Variants in RNF10 observed in about 807,000 individuals in gnomAD.
RNF10 encodes ring finger protein 10, also known as E3 ubiquitin-protein ligase RNF10.
A neutral mutation model predicts 91.4 loss-of-function variants in RNF10; 38 were observed. The ratio of observed to expected loss-of-function variants is 0.42; its 90% CI spans 0.32 to 0.54. The LOEUF (loss-of-function observed/expected upper bound fraction) is 0.54. Among genes scored for constraint, RNF10 ranks in the 20% least tolerant of loss-of-function variants. The pLI is 0.16. For missense variants in RNF10, 945 were observed against 1,012.0 expected, an observed-to-expected ratio of 0.93 and a Z score of 0.90; for synonymous variants, 364 against 366.3, an observed-to-expected ratio of 0.99 and a Z score of 0.07.
At position 120,553,594 on chromosome 12, in the gene RNF10, GGTGTT is replaced by G. The variant is rs1873509024; in HGVS notation, c.554+898_554+902del. ...TTGTTTTTGTATTTTTAGTAGAGAT[GGTGTT>G]GCACCGTATTAGCCAGGATGGTCTT... On this transcript the variant is annotated intron_variant, in intron 3 of 16. Coordinates refer to ENST00000325954, the MANE Select transcript of RNF10 (RefSeq NM_014868.5). 4.6e-5 allele frequency among the ~76,000 whole-genome samples: 7 copies of G among 151,072 alleles called. No homozygotes were observed. The South Asian group carries it at 1.5e-3, about 32-fold the overall frequency.
intron 1 of RNF10, chr12:120,535,685 T>C (rs1870669822): frequency 6.6e-6 from 1 of 152,058 alleles, no homozygotes; most frequent in South Asian, 2.1e-4. Context: ...ACACATAATG[T>C]CTATTGTTGT....
At chr12:120,546,632 C>T (rs1417533421) in intron 2 of RNF10, 31 bp downstream of exon 2, 1 of 1,588,220 alleles carries the variant, frequency 6.3e-7, no homozygotes, top group East Asian at 2.2e-5. Flanking sequence ...CTTTCTAGAG[C>T]ATAAGCATGA....
rs780988278 is a variant in RNF10 at position 120,552,675 on chromosome 12, C to G, written c.531C>G (p.Asn177Lys). ...KRNKWGHKPF[N>K]KELFLQANCQ... The stretch of plus-strand genomic sequence containing the variant: ...ACAAGTGGGGACATAAGCCTTTTAA[C>G]AAGGAACTCTTTTTACAGGCCAAGT... Residue 177 changes from asparagine (N) to lysine (K), a missense_variant, in exon 3 of 17, where the codon AAC (asparagine) becomes AAG (lysine). By Grantham distance (94) the Asn-to-Lys change is moderately conservative. Transcript: ENST00000325954. 19 of 1,613,940 alleles carry G rather than the reference C, an allele frequency of 1.2e-5. No individual in the cohort carries two copies. The highest frequency in any genetic ancestry group is 2.7e-5 in the African/African-American group (2 of 74,888).
In RNF10 at chr12:120,560,822, A is replaced by G. The variant is rs772963514; in HGVS notation, c.1064A>G (p.Gln355Arg). ...VLEEKVALEQ[Q>R]LAEEKHTPES... ...GAGGAGAAAGTAGCACTAGAGCAGC[A>G]GCTGGCAGAGGAGAAGCACACTCCC... is the stretch of plus-strand genomic sequence containing the variant. Residue 355 changes from glutamine to arginine, a missense_variant, in exon 7 of 17, where the codon CAG becomes CGG. Physicochemically the swap from Gln to Arg is conservative, Grantham distance 43 (BLOSUM62 1). Transcript: ENST00000325954. The G allele has an allele frequency of 2.2e-5, 36 of 1,614,114 alleles. No individual in the cohort carries two copies. Among genetic ancestry groups the G allele is most frequent in the Non-Finnish European group, 2.9e-5 (34 of 1,180,048 alleles).
chr12:120,572,417 C>T (rs866255269), intron 14 of RNF10, among the ~76,000 whole-genome samples: 5 of 151,834 alleles, frequency 3.3e-5, no homozygotes, highest in Admixed American at 2.6e-4. Flanking sequence ...GTAATTACAG[C>T]AGTTTGTACT....
chr12:120,546,726 C>CTT, intron 2 of RNF10, 125 bp downstream of exon 2: 1 of 779,586 alleles, frequency 1.3e-6, no homozygotes, highest in South Asian at 2.5e-5. Context: ...TCAAAGCAGT[C>CTT]TTGAGTAGGC....
In RNF10 at chr12:120,565,449, G is replaced by A. The variant is rs374298144; in HGVS notation, c.1805G>A (p.Arg602His). ...MFSDDIEKRK[R>H]QRQKKAREER... is the part of the protein sequence containing the mutation. ...GCAGATGACATTGAGAAGAGGAAAC[G>A]TCAGCGCCAAAAGAAGGCTCGGGAG... The change falls in exon 12 of 17, where the codon CGT becomes CAT. Residue 602 changes from arginine (R) to histidine (H), a missense_variant. Arg to His is a conservative substitution (Grantham distance 29). Coordinates refer to ENST00000325954, the MANE Select transcript of RNF10 (RefSeq NM_014868.5). 2.2e-5 allele frequency: 35 copies of A among 1,613,938 alleles called. No homozygotes were observed. The highest frequency in any genetic ancestry group is 6.6e-5 in the South Asian group (6 of 91,078).
intron 1 of RNF10, chr12:120,539,340 A>T (rs1271088671): frequency 3.7e-5 from 43 of 1,152,288 alleles, no homozygotes; most frequent in Non-Finnish European, 5.0e-5. Flanking sequence ...ATCATTCCTG[A>T]TACCACCTCT....
chr12:120,561,265 A>C (rs1874802740), intron 7 of RNF10, among the ~76,000 whole-genome samples: 1 of 152,208 alleles, frequency 6.6e-6, no homozygotes. Flanking sequence ...AGGTGTTTTG[A>C]AAGACATTGT....
intron 4 of RNF10, among the ~76,000 whole-genome samples, chr12:120,556,878 C>T (rs1436273037): frequency 2.6e-5 from 4 of 151,844 alleles, no homozygotes; most frequent in Non-Finnish European, 4.4e-5. Context: ...CAAAGCCAGG[C>T]GCGGTGGCTC....
chr12:120,570,702 AGTTTGCATCCTTGTGCTGGATCTT>A (rs1198647206), intron 13 of RNF10, among the ~76,000 whole-genome samples: 1 of 152,080 alleles, frequency 6.6e-6, no homozygotes, highest in Non-Finnish European at 1.5e-5. Context: ...ATTGGGGAAA[AGTTTGCATCCTTGTGCTGGATCTT>A]GTTGATGTGT....
At chr12:120,535,060 G>T in intron 1 of RNF10, 92 bp downstream of exon 1, 4 of 1,371,974 alleles carry the variant, frequency 2.9e-6, no homozygotes, top group Non-Finnish European at 2.9e-6. Context: ...TCGGGGACAG[G>T]CTCCACTTTC....
intron 14 of RNF10, chr12:120,574,641 C>A (rs1231962699): frequency 2.4e-6 from 1 of 416,444 alleles, no homozygotes; most frequent in South Asian, 1.7e-5. Context: ...CTGGAGGGTA[C>A]TTGGCTGGGC....
At chr12:120,551,203 C>T (rs920749978) in intron 2 of RNF10, among the ~76,000 whole-genome samples, 2 of 150,878 alleles carry the variant, frequency 1.3e-5, no homozygotes, top group African/African-American at 4.9e-5. Flanking sequence ...CTAGACTGGT[C>T]TCAAACTCCT....
chr12:120,549,079 T>C (rs1430648521), intron 2 of RNF10, among the ~76,000 whole-genome samples: 2 of 152,096 alleles, frequency 1.3e-5, no homozygotes, highest in Admixed American at 6.6e-5. Context: ...GCAATGTCCT[T>C]GAGTCCTTGA....
chr12:120,535,071 T>A (rs1474906983), intron 1 of RNF10, 103 bp downstream of exon 1: 32 of 1,255,286 alleles, frequency 2.5e-5, no homozygotes, highest in Non-Finnish European at 3.3e-5. Flanking sequence ...CTCCACTTTC[T>A]TTTATAGCTC....
At chr12:120,544,192 A>C (rs899566377) in intron 1 of RNF10, among the ~76,000 whole-genome samples, 2 of 151,938 alleles carry the variant, frequency 1.3e-5, no homozygotes, top group African/African-American at 4.8e-5. Context: ...GCGCCACTGC[A>C]CTCCAGCCTG....
rs1464033790 is a variant in RNF10 at position 120,554,740 on chromosome 12, G to A, written c.577G>A (p.Asp193Asn). 1.1e-5 allele frequency: 18 copies of A among 1,613,834 alleles called. No individual in the cohort carries two copies. The highest frequency in any genetic ancestry group is 1.4e-5 in the Non-Finnish European group (16 of 1,179,886). Residue 193 changes from aspartate (D) to asparagine (N), a missense_variant, in exon 4 of 17, where the codon GAC becomes AAC. Transcript: ENST00000325954. ...QANCQFVVSE[D>N]QDYTAHFADP... The stretch of plus-strand genomic sequence containing the variant: ...TAGCTGCCAATTTGTGGTGTCTGAA[G>A]ACCAAGACTACACAGCTCATTTTGC...
At chr12:120,561,339 A>G (rs950063497) in intron 7 of RNF10, among the ~76,000 whole-genome samples, 1 of 152,244 alleles carries the variant, frequency 6.6e-6, no homozygotes, top group African/African-American at 2.4e-5. Context: ...GAATTACACA[A>G]GAACAGAATT....
Sources: allele counts gnomAD v4.1 joint callset (sites outside exome capture counted in the v4.1 genomes callset), GRCh38; gene constraint gnomAD v4.1.1; transcripts MANE v1.5; gene names NCBI Gene and HGNC (gene_info 2026-07-23, HGNC 2026-07-21).